JARID2: variants seen among roughly 807,000 people sequenced by gnomAD.
JARID2 encodes protein Jumonji.
A neutral mutation model predicts 125.6 loss-of-function variants in JARID2; 21 were observed. That is an observed-to-expected ratio of 0.17 (90% CI 0.12 to 0.24). JARID2 has a LOEUF of 0.24. JARID2 is among the 10% of genes least tolerant of loss of function. The probability of loss-of-function intolerance (pLI) is 1.00; values close to 1 mark genes in which losing one functional copy is unlikely to be tolerated. For missense variants in JARID2, 1,303 were observed against 1,639.6 expected (o/e 0.79, Z 3.55); for synonymous variants, 736 against 661.6 (o/e 1.11, Z -1.73).
chr6:15,366,938 CTTTA>C (rs1239123792), intron 1 of JARID2, among the ~76,000 whole-genome samples: 2 of 151,600 alleles, frequency 1.3e-5, no homozygotes, highest in Admixed American at 6.6e-5. Flanking sequence ...ATTGTAGTGG[CTTTA>C]TTTCTTTTTG....
At chr6:15,450,867 G>A (rs1326738293) in intron 3 of JARID2, among the ~76,000 whole-genome samples, 1 of 152,238 alleles carries the variant, frequency 6.6e-6, no homozygotes, top group Non-Finnish European at 1.5e-5. Context: ...AACAAACTGG[G>A]CTGGGTGTGG....
intron 1 of JARID2, among the ~76,000 whole-genome samples, chr6:15,336,533 C>T (rs149031996): frequency 4.7e-4 from 72 of 151,946 alleles, no homozygotes; most frequent in African/African-American, 1.4e-3. Flanking sequence ...GTAGGGAAAC[C>T]GTTTTGTCTG....
At position 15,511,410 on chromosome 6, in the gene JARID2, A is replaced by G; in HGVS notation, c.2952+9A>G. ...TGGAAAGCAACGTCATGGTGCGTCC[A>G]CTCAGCCACCGCCTCCAGCAGGAGC... On this transcript the variant is annotated intron_variant, in intron 13 of 17. Transcript: ENST00000341776. 6.3e-7 allele frequency: 1 copy of G among 1,593,828 alleles called. No individual in the cohort carries two copies. Among genetic ancestry groups the G allele is most frequent in the Non-Finnish European group, 8.6e-7 (1 of 1,163,342 alleles).
intron 3 of JARID2, among the ~76,000 whole-genome samples, chr6:15,434,493 G>C (rs577146673): frequency 2.0e-5 from 3 of 152,138 alleles, no homozygotes; most frequent in Non-Finnish European, 4.4e-5. Flanking sequence ...GTGAAATGTG[G>C]AAGAGAATGC....
At chr6:15,341,768 A>C (rs1763077591) in intron 1 of JARID2, among the ~76,000 whole-genome samples, 1 of 152,224 alleles carries the variant, frequency 6.6e-6, no homozygotes, top group South Asian at 2.1e-4. Flanking sequence ...AAGATGACAT[A>C]GTATCTGCAT....
At chr6:15,473,789 G>A (rs527728513) in intron 5 of JARID2, among the ~76,000 whole-genome samples, 1 of 152,246 alleles carries the variant, frequency 6.6e-6, no homozygotes, top group Admixed American at 6.5e-5. Flanking sequence ...GGCTTGAATG[G>A]CCTTGGAAGC....
chr6:15,465,477 T>C (rs1293078234), intron 4 of JARID2, among the ~76,000 whole-genome samples: 7 of 152,186 alleles, frequency 4.6e-5, no homozygotes, highest in Non-Finnish European at 1.5e-5. Context: ...TTTGTAGATA[T>C]CAACAAAGTC....
intron 1 of JARID2, among the ~76,000 whole-genome samples, chr6:15,370,679 A>G (rs1260558014): frequency 6.6e-6 from 1 of 152,080 alleles, no homozygotes; most frequent in Non-Finnish European, 1.5e-5. Flanking sequence ...GTACTGGTTG[A>G]TCCTGAATGA....
Position 15,521,071 on chromosome 6 carries a change from T to TAAAAAAAAAAAAA in JARID2, c.*828_*840dup, listed in dbSNP as rs34405141. 4 of 115,930 alleles carry TAAAAAAAAAAAAA rather than the reference T, an allele frequency of 3.5e-5. No homozygotes were observed. The highest frequency in any genetic ancestry group is 5.1e-5 in the Non-Finnish European group (3 of 59,364). 7.2% of individuals were successfully genotyped at this position (115,930 alleles called of 1,614,324 possible). On this transcript the variant is annotated 3_prime_UTR_variant, in exon 18 of 18. Coordinates refer to ENST00000341776, the MANE Select transcript of JARID2 (RefSeq NM_004973.4). The stretch of plus-strand genomic sequence containing the variant: ...ACCCTTCAATAGCATCCTTAAGATT[T>TAAAAAAAAAAAAA]AAAAAAAAAAAAAAAAAAAAGGAAA...
chr6:15,380,334 C>T (rs1764532699), intron 2 of JARID2, among the ~76,000 whole-genome samples: 1 of 152,002 alleles, frequency 6.6e-6, no homozygotes, highest in East Asian at 1.9e-4. Context: ...CGTGCCTGGC[C>T]GTCAGTAAGT....
At chr6:15,468,809 G>T in intron 5 of JARID2, 91 bp downstream of exon 5, 1 of 1,170,524 alleles carries the variant, frequency 8.5e-7, no homozygotes, top group Non-Finnish European at 1.2e-6. Flanking sequence ...ATGAGATGAA[G>T]GCAAAGCTCG....
At chr6:15,448,365 G>A (rs966383955) in intron 3 of JARID2, among the ~76,000 whole-genome samples, 3 of 152,010 alleles carry the variant, frequency 2.0e-5, no homozygotes, top group Admixed American at 6.5e-5. Context: ...ACAGTGTCTC[G>A]CTCCGTTGTC....
intron 1 of JARID2, among the ~76,000 whole-genome samples, chr6:15,292,559 T>TG (rs1291214851): frequency 3.3e-5 from 5 of 152,178 alleles, no homozygotes; most frequent in African/African-American, 1.2e-4. Flanking sequence ...GTAACACTCC[T>TG]GAGTCCCGGT....
intron 3 of JARID2, among the ~76,000 whole-genome samples, chr6:15,437,837 G>A (rs879448924): frequency 6.6e-6 from 1 of 152,164 alleles, no homozygotes; most frequent in African/African-American, 2.4e-5. Flanking sequence ...ATCCTAATGG[G>A]ATGTGGGGGG....
intron 1 of JARID2, among the ~76,000 whole-genome samples, chr6:15,328,443 T>TA (rs1475759327): frequency 6.6e-6 from 1 of 152,226 alleles, no homozygotes; most frequent in Non-Finnish European, 1.5e-5. Flanking sequence ...TACCTGTAGT[T>TA]ACTTGAAATG....
intron 2 of JARID2, among the ~76,000 whole-genome samples, chr6:15,391,532 A>T (rs1765009681): frequency 6.6e-6 from 1 of 152,188 alleles, no homozygotes; most frequent in Admixed American, 6.5e-5. Flanking sequence ...GGGTCAACAA[A>T]AGAAAATTCT....
rs63200960 is a variant in JARID2, at chr6:15,275,544, C to G, written c.45+28960C>G. 1.5e-3 allele frequency among the ~76,000 whole-genome samples: 143 copies of G among 94,674 alleles called. 5 individuals are homozygous for G. The highest frequency in any genetic ancestry group is 3.2e-3 in the South Asian group (5 of 1,580). 62.1% of individuals were successfully genotyped at this position (94,674 alleles called of 152,430 possible). ...TTACCGCCCCCCCCGCCCCCCCCCC[C>G]GTCTTTTGCCTCTTCAATGACCAGG... On this transcript the variant is annotated intron_variant, in intron 1 of 17. Coordinates refer to ENST00000341776, the MANE Select transcript of JARID2 (RefSeq NM_004973.4).
chr6:15,512,113 A>C, intron 13 of JARID2, 95 bp from the exon 14 acceptor site: 13 of 994,300 alleles, frequency 1.3e-5, no homozygotes, highest in Non-Finnish European at 1.8e-5. Context: ...TATCTCCTTG[A>C]GAGCAGGCCT....
In JARID2 at chr6:15,440,778, C is replaced by CAGA. The variant is rs1275842244; in HGVS notation, c.324-11225_324-11223dup. Among the ~76,000 whole-genome samples, 4 of 152,310 alleles carry CAGA rather than the reference C, an allele frequency of 2.6e-5. No individual in the cohort carries two copies. The East Asian group carries it at 7.7e-4, about 29-fold the overall frequency. On this transcript the variant is annotated intron_variant, in intron 3 of 17. Transcript: ENST00000341776. ...TTCAGCATCAGAGAGCTCAAACAGT[C>CAGA]AGAAGGTGGAGGAGAATTAGTTTTC...
Sources: allele counts gnomAD v4.1 joint callset (sites outside exome capture counted in the v4.1 genomes callset), GRCh38; gene constraint gnomAD v4.1.1; transcripts MANE v1.5; gene names NCBI Gene and HGNC (gene_info 2026-07-23, HGNC 2026-07-21).